PCDH11X: variants seen among roughly 807,000 people sequenced by gnomAD.
The protein encoded by PCDH11X is protocadherin 11 X-linked.
In PCDH11X, 18 loss-of-function variants were observed where a neutral mutation model predicts 53.3. That is an observed-to-expected ratio of 0.34 (90% CI 0.23 to 0.50). PCDH11X has a LOEUF of 0.50. Among genes scored for constraint, PCDH11X ranks in the 20% least tolerant of loss-of-function variants. PCDH11X has a pLI of 0.98. For synonymous variants in PCDH11X, 279 were observed against 393.3 expected (o/e 0.71, Z 3.44); for missense variants, 570 against 1,032.4 (o/e 0.55, Z 6.14).
chrX:92,179,644 C>T (rs746121486), intron 6 of PCDH11X, among the ~76,000 whole-genome samples: 15 of 111,839 alleles, frequency 1.3e-4, no homozygotes, highest in South Asian at 3.7e-4. Flanking sequence ...TATTTCTTTG[C>T]GTATAATTTA....
At chrX:92,105,828 T>C (rs1602938509) in intron 6 of PCDH11X, among the ~76,000 whole-genome samples, 1 of 111,266 alleles carries the variant, frequency 9.0e-6, no homozygotes, top group East Asian at 2.8e-4. Flanking sequence ...TTCACTTCTT[T>C]TGTGATTCTT....
At chrX:92,282,327 T>C (rs1398517135) in intron 8 of PCDH11X, among the ~76,000 whole-genome samples, 1 of 111,675 alleles carries the variant, frequency 9.0e-6, no homozygotes, top group Non-Finnish European at 1.9e-5. Context: ...ATACAAAACC[T>C]ACAGGATTTT....
chrX:92,161,367 G>A (rs1358312291), intron 6 of PCDH11X, among the ~76,000 whole-genome samples: 5 of 111,663 alleles, frequency 4.5e-5, no homozygotes, highest in African/African-American at 9.7e-5. Flanking sequence ...AGCTTGGAGG[G>A]TTTCTGCTGA....
chrX:91,818,626 A>T (rs1936530658), intron 4 of PCDH11X, among the ~76,000 whole-genome samples: 1 of 109,743 alleles, frequency 9.1e-6, no homozygotes, highest in African/African-American at 3.3e-5. Flanking sequence ...AATCTCTTGA[A>T]CCTGGGAGGT....
intron 7 of PCDH11X, among the ~76,000 whole-genome samples, chrX:92,225,316 C>A: frequency 1.1e-5 from 1 of 94,038 alleles, no homozygotes; most frequent in Non-Finnish European, 2.1e-5. Context: ...TTTAGTTTCA[C>A]TTAACACAAT....
In PCDH11X at chrX:92,224,301, C is replaced by T. The variant is rs186986078; in HGVS notation, c.3114+22846C>T. 9.8e-4 allele frequency among the ~76,000 whole-genome samples: 110 copies of T among 112,074 alleles called. 1 individual carries two copies. The highest frequency in any genetic ancestry group is 1.7e-3 in the Non-Finnish European group (91 of 53,189). Reference sequence around the variant, plus strand: ...TAATTTTACCAGCAGACCATGTCTTCTTGATCCCTTAAAGAGATGATAGTA... The same window carrying T: ...TAATTTTACCAGCAGACCATGTCTTTTTGATCCCTTAAAGAGATGATAGTA... On this transcript the variant is annotated intron_variant, in intron 7 of 10. Coordinates refer to ENST00000682573, the MANE Select transcript of PCDH11X (RefSeq NM_032968.5).
chrX:91,907,410 C>CAG (rs1302662059), intron 6 of PCDH11X, among the ~76,000 whole-genome samples: 18 of 56,222 alleles, frequency 3.2e-4, no homozygotes, highest in African/African-American at 1.0e-3. Context: ...CACACACACA[C>CAG]ACAGAGAGAG....
At position 92,243,322 on chromosome X, in the gene PCDH11X, T is replaced by C. The variant is rs2067294340; in HGVS notation, c.3115-19792T>C. On this transcript the variant is annotated intron_variant, in intron 7 of 10. Coordinates refer to ENST00000682573, the MANE Select transcript of PCDH11X (RefSeq NM_032968.5). The stretch of plus-strand genomic sequence containing the variant: ...AAATCAAGGTACATTATTTTATTTA[T>C]AAATATCCAATTGCATGAGAAACAC... 1.8e-5 allele frequency among the ~76,000 whole-genome samples: 2 copies of C among 111,759 alleles called. 1 individual carries two copies. The highest frequency in any genetic ancestry group is 1.9e-4 in the Admixed American group (2 of 10,453).
At chrX:92,299,110 G>C (rs1055480173) in intron 8 of PCDH11X, among the ~76,000 whole-genome samples, 1 of 110,850 alleles carries the variant, frequency 9.0e-6, no homozygotes, top group Non-Finnish European at 1.9e-5. Context: ...AATAAAGCTT[G>C]TTTGTGGAGG....
At chrX:92,482,936 G>A (rs1250384033) in intron 10 of PCDH11X, among the ~76,000 whole-genome samples, 1 of 110,883 alleles carries the variant, frequency 9.0e-6, no homozygotes, top group Non-Finnish European at 1.9e-5. Flanking sequence ...CATGGGAACA[G>A]TATATTGTGT....
At chrX:92,064,796 A>T (rs2063581525) in intron 6 of PCDH11X, among the ~76,000 whole-genome samples, 1 of 107,431 alleles carries the variant, frequency 9.3e-6, no homozygotes, top group Non-Finnish European at 1.9e-5. Context: ...ACAAAAGATC[A>T]AATTTCTCTC....
intron 7 of PCDH11X, among the ~76,000 whole-genome samples, chrX:92,260,645 A>C (rs143575791): frequency 5.9e-4 from 65 of 110,937 alleles, no homozygotes; most frequent in African/African-American, 2.0e-3. Context: ...TGGGGCAACT[A>C]TCAGTGGAAC....
intron 6 of PCDH11X, among the ~76,000 whole-genome samples, chrX:92,180,305 C>A (rs940589632): frequency 9.0e-6 from 1 of 111,197 alleles, no homozygotes; most frequent in Non-Finnish European, 1.9e-5. Context: ...TCCTTCAACA[C>A]GTGGGGATTA....
intron 6 of PCDH11X, among the ~76,000 whole-genome samples, chrX:91,960,304 T>C (rs1252237193): frequency 1.8e-5 from 2 of 111,389 alleles, no homozygotes; most frequent in East Asian, 5.6e-4. Flanking sequence ...TTTTTGCTTT[T>C]GTTGTTGTAC....
rs752242620 is a variant in PCDH11X at position 91,877,387 on chromosome X, A to G, written c.1147A>G (p.Ile383Val). ...TCCACTCAACACCAAAATTGCTCTC[A>G]TAACTGTGACGGATAAGGATGCGGA... is the stretch of plus-strand genomic sequence containing the variant. ...NIPLNTKIAL[I>V]TVTDKDADHN... Residue 383 changes from isoleucine to valine, a missense_variant, in exon 6 of 11, where the codon ATA becomes GTA. This residue lies in a region of PCDH11X where 226 missense variants were observed against 457.5 expected (regional missense o/e 0.49). Transcript: ENST00000682573. The G allele has an allele frequency of 4.1e-6, 5 of 1,208,412 alleles. No homozygotes were observed. In the East Asian group the frequency reaches 8.9e-5, roughly 22 times the overall value.
chrX:91,987,851 T>C (rs897422601), intron 6 of PCDH11X, among the ~76,000 whole-genome samples: 2 of 111,007 alleles, frequency 1.8e-5, no homozygotes, highest in Non-Finnish European at 3.8e-5. Context: ...AAAAATGGTC[T>C]ATTAAAAAAC....
At chrX:92,133,261 T>A (rs1268453055) in intron 6 of PCDH11X, among the ~76,000 whole-genome samples, 1 of 112,377 alleles carries the variant, frequency 8.9e-6, no homozygotes, top group Non-Finnish European at 1.9e-5. Context: ...CTGAATGCTT[T>A]GTTCACATTA....
At chrX:92,256,782 G>A (rs961790144) in intron 7 of PCDH11X, among the ~76,000 whole-genome samples, 4 of 109,991 alleles carry the variant, frequency 3.6e-5, no homozygotes, top group African/African-American at 1.3e-4. Flanking sequence ...TCATGATTCA[G>A]CTCCCACTTA....
chrX:92,574,048 AC>A (rs1922524104), intron 10 of PCDH11X, among the ~76,000 whole-genome samples: 1 of 103,415 alleles, frequency 9.7e-6, no homozygotes, highest in African/African-American at 3.5e-5. Context: ...ACCATTACCA[AC>A]TTTGTGAGAT....
Sources: gnomAD v4.1 joint callset for allele counts (sites outside exome capture counted in the v4.1 genomes callset) on GRCh38, gnomAD v4.1.1 for gene constraint, gnomAD v4.1.1 regional missense constraint, MANE v1.5 for transcripts, NCBI Gene and HGNC (gene_info 2026-07-23, HGNC 2026-07-21) for gene names.